The following RYR2 variants were observed in gnomAD, a reference collection of about 807,000 sequenced individuals.
The protein encoded by RYR2 is cardiac muscle ryanodine receptor-calcium release channel.
In RYR2, 227 loss-of-function variants were observed where a neutral mutation model predicts 601.1. The ratio of observed to expected loss-of-function variants is 0.38; its 90% CI spans 0.34 to 0.42. RYR2 has a LOEUF of 0.42. Ranked by LOEUF, RYR2 falls within the 10% of genes least tolerant of loss-of-function variation. RYR2 has a pLI of 1.00. For synonymous variants in RYR2, 2,223 were observed against 2,175.1 expected, an observed-to-expected ratio of 1.02 and a Z score of -0.61; for missense variants, 4,646 against 6,156.5, an observed-to-expected ratio of 0.75 and a Z score of 8.21.
intron 10 of RYR2, among the ~76,000 whole-genome samples, chr1:237,414,565 T>C (rs1041040358): frequency 6.6e-6 from 1 of 152,202 alleles, no homozygotes; most frequent in Non-Finnish European, 1.5e-5. Context: ...CACATAATTG[T>C]ACATATTTAT....
At chr1:237,615,032 C>A (rs1380314780) in intron 37 of RYR2, among the ~76,000 whole-genome samples, 189 bp downstream of exon 37, 3 of 152,140 alleles carry the variant, frequency 2.0e-5, no homozygotes, top group African/African-American at 4.8e-5. Context: ...TCTTGTTTCC[C>A]AGATGCTTTT....
At chr1:237,785,059 GCCAGAACGGTGTTA>G (rs1438975047) in intron 90 of RYR2, 87 bp downstream of exon 90, 2 of 959,608 alleles carry the variant, frequency 2.1e-6, no homozygotes, top group Non-Finnish European at 1.6e-6. Flanking sequence ...TCATGCTAGT[GCCAGAACGGTGTTA>G]CCTATGTGAC....
intron 1 of RYR2, among the ~76,000 whole-genome samples, chr1:237,052,903 C>T (rs1015898191): frequency 6.6e-5 from 10 of 152,050 alleles, no homozygotes; most frequent in Non-Finnish European, 1.0e-4. Flanking sequence ...GGCTGGAGTG[C>T]AGTGGTGTGA....
intron 1 of RYR2, among the ~76,000 whole-genome samples, chr1:237,251,028 A>ATGTGTGTGTG (rs3056167): frequency 0.01 from 1,454 of 139,288 alleles, 12 homozygotes; most frequent in Non-Finnish European, 0.014. Flanking sequence ...TCCCCAACAG[A>ATGTGTGTGTG]TGTGTGTGTG....
chr1:237,128,175 G>T (rs1184297880), intron 1 of RYR2, among the ~76,000 whole-genome samples: 3 of 152,224 alleles, frequency 2.0e-5, no homozygotes, highest in Non-Finnish European at 4.4e-5. Context: ...TTGCGGTTAG[G>T]GGCTGGAGAC....
At chr1:237,570,817 C>A (rs1204353344) in intron 29 of RYR2, among the ~76,000 whole-genome samples, 1 of 152,100 alleles carries the variant, frequency 6.6e-6, no homozygotes, top group African/African-American at 2.4e-5. Flanking sequence ...AAGACAGTAT[C>A]TGATACAAAT....
intron 100 of RYR2, among the ~76,000 whole-genome samples, chr1:237,810,117 CTGAG>C (rs1485733470): frequency 1.2e-4 from 18 of 151,906 alleles, no homozygotes; most frequent in African/African-American, 4.4e-4. Context: ...GGAGAACGGT[CTGAG>C]TATGACATAA....
chr1:237,732,059 A>G lies in RYR2; in HGVS notation c.10949A>G (p.Glu3650Gly). ...LIEDLAKPGAEPPEEDEGTKR... is the reference protein window; with the variant it reads ...LIEDLAKPGAGPPEEDEGTKR... ...ACTTTTTTGCAGAAACCTGGGGCTG[A>G]ACCTCCAGAAGAAGATGAAGGCACT... Residue 3650 changes from glutamate to glycine, a missense_variant, in exon 78 of 105, where the codon GAA (glutamate) becomes GGA (glycine). Around this residue, in one of 17 missense-constraint regions of RYR2, gnomAD observed 1,497 missense variants for 1,842.6 expected, o/e 0.81. Coordinates refer to ENST00000366574, the MANE Select transcript of RYR2 (RefSeq NM_001035.3). The G allele has an allele frequency of 6.2e-7, 1 of 1,602,824 alleles. No homozygotes were observed. The highest frequency in any genetic ancestry group is 8.5e-7 in the Non-Finnish European group (1 of 1,173,630).
chr1:237,707,557 A>G (rs543548617), intron 68 of RYR2, among the ~76,000 whole-genome samples: 1 of 152,342 alleles, frequency 6.6e-6, no homozygotes, highest in South Asian at 2.1e-4. Flanking sequence ...AGACAAAAAT[A>G]AAACATTCAA....
intron 14 of RYR2, among the ~76,000 whole-genome samples, chr1:237,452,093 G>GTGTGTGTGTGTGTC: frequency 1.2e-5 from 1 of 83,888 alleles, no homozygotes; most frequent in Non-Finnish European, 3.0e-5. Flanking sequence ...GTGTGTGTGT[G>GTGTGTGTGTGTGTC]TGTGTGTGTG....
At chr1:237,737,846 A>T (rs1166499980) in intron 79 of RYR2, among the ~76,000 whole-genome samples, 1 of 152,238 alleles carries the variant, frequency 6.6e-6, no homozygotes, top group Non-Finnish European at 1.5e-5. Context: ...ATTCTTAAAG[A>T]AATCAAGATG....
Position 237,469,447 on chromosome 1 carries a change from A to T in RYR2, c.1708+260A>T, listed in dbSNP as rs189721306. On this transcript the variant is annotated intron_variant, in intron 17 of 104. Transcript: ENST00000366574. The stretch of plus-strand genomic sequence containing the variant: ...CATCTTTAAAAAACAAAAAGAAAAA[A>T]CTCTGATGTTTGGTGTAATATAAGT... Among the ~76,000 whole-genome samples, 13 of 151,178 alleles carry T rather than the reference A, an allele frequency of 8.6e-5. No homozygotes were observed. In the East Asian group the frequency reaches 1.2e-3, roughly 14 times the overall value.
intron 1 of RYR2, among the ~76,000 whole-genome samples, chr1:237,196,298 A>G (rs1225157756): frequency 6.6e-6 from 1 of 152,312 alleles, no homozygotes; most frequent in Non-Finnish European, 1.5e-5. Flanking sequence ...GTCTGGCTCT[A>G]TAATAATAAA....
rs879222093 is a variant in RYR2, at chr1:237,731,945, C to T, written c.10936-101C>T. 75 of 661,244 alleles carry T rather than the reference C, an allele frequency of 1.1e-4. 1 individual carries two copies. The South Asian group carries it at 1.2e-3, about 11-fold the overall frequency. The allele number at this position is 661,244 out of a possible 1,614,324, so 41.0% of individuals were successfully genotyped here. A position where few individuals can be genotyped will look rare whatever the true frequency, so the allele number is the denominator to read the frequency against. On this transcript the variant is annotated intron_variant, in intron 77 of 104. Coordinates refer to ENST00000366574, the MANE Select transcript of RYR2 (RefSeq NM_001035.3). ...CCCACAACAGGGAAGGAGGAACGTTCGCATTCCTTTTATTCTTCATTGCTG... is the reference window on the plus strand; with the variant it reads ...CCCACAACAGGGAAGGAGGAACGTTTGCATTCCTTTTATTCTTCATTGCTG...
intron 25 of RYR2, among the ~76,000 whole-genome samples, chr1:237,544,603 T>C (rs1343763541): frequency 1.3e-5 from 2 of 152,216 alleles, no homozygotes; most frequent in Admixed American, 6.5e-5. Context: ...TCAAAGGCTT[T>C]GTTCATTTTT....
chr1:237,079,794 G>C (rs2148383747), intron 1 of RYR2, among the ~76,000 whole-genome samples: 1 of 141,154 alleles, frequency 7.1e-6, no homozygotes, highest in African/African-American at 3.2e-5. Flanking sequence ...AGTTCACATG[G>C]AACCAAAAAA....
chr1:237,322,864 T>TAA (rs1184016902), intron 2 of RYR2, among the ~76,000 whole-genome samples: 3 of 147,642 alleles, frequency 2.0e-5, no homozygotes, highest in Non-Finnish European at 4.5e-5. Context: ...AATTTTTTTT[T>TAA]AAAAAAAAAA....
chr1:237,758,776 A>G (rs1046144371), intron 82 of RYR2, among the ~76,000 whole-genome samples: 2 of 152,208 alleles, frequency 1.3e-5, no homozygotes, highest in Non-Finnish European at 2.9e-5. Flanking sequence ...CATGCTTTCT[A>G]TCATCTTGTA....
intron 73 of RYR2, among the ~76,000 whole-genome samples, chr1:237,720,526 G>A (rs1347042340): frequency 6.6e-6 from 1 of 152,166 alleles, no homozygotes; most frequent in Non-Finnish European, 1.5e-5. Flanking sequence ...AGAAGAATTT[G>A]AACATTTTTT....
Sources: gnomAD v4.1 joint callset for allele counts (sites outside exome capture counted in the v4.1 genomes callset) on GRCh38, gnomAD v4.1.1 for gene constraint, gnomAD v4.1.1 regional missense constraint, MANE v1.5 for transcripts, NCBI Gene and HGNC (gene_info 2026-07-23, HGNC 2026-07-21) for gene names.